Variants in STK10 observed in about 807,000 individuals in gnomAD.
STK10 encodes serine/threonine kinase 10, also known as serine/threonine-protein kinase 10.
STK10 carries 78 observed loss-of-function variants against 113.8 expected under a neutral mutation model. That is an observed-to-expected ratio of 0.69 (90% CI 0.57 to 0.83). The LOEUF is 0.83. STK10 is among the 40% of genes least tolerant of loss of function. STK10 has a pLI of 0.00. For missense variants in STK10, 1,109 were observed against 1,280.1 expected, an observed-to-expected ratio of 0.87 and a Z score of 2.04; for synonymous variants, 465 against 494.7, an observed-to-expected ratio of 0.94 and a Z score of 0.80.
intron 1 of STK10, among the ~76,000 whole-genome samples, chr5:172,171,503 C>G (rs1371212413): frequency 6.6e-6 from 1 of 151,982 alleles, no homozygotes; most frequent in East Asian, 1.9e-4. Flanking sequence ...CACCTGAGGT[C>G]AGAAATTCAA....
At chr5:172,094,515 T>C (rs182286257) in intron 8 of STK10, among the ~76,000 whole-genome samples, 24 of 152,170 alleles carry the variant, frequency 1.6e-4, no homozygotes, top group Non-Finnish European at 3.5e-4. Flanking sequence ...CCCGAGTAGC[T>C]GGGACTACAG....
At chr5:172,045,169 C>T (rs570684353) in intron 18 of STK10, 147 bp from the exon 19 acceptor site, 1 of 1,248,294 alleles carries the variant, frequency 8.0e-7, no homozygotes, top group South Asian at 1.5e-5. Context: ...TTCCCTATTT[C>T]CTACCCTAGA....
At chr5:172,138,997 G>C (rs1769925185) in intron 2 of STK10, among the ~76,000 whole-genome samples, 1 of 152,212 alleles carries the variant, frequency 6.6e-6, no homozygotes, top group East Asian at 1.9e-4. Context: ...CTGGGCGACA[G>C]AGCGAGACTC....
At chr5:172,176,771 T>C (rs1004657332) in intron 1 of STK10, among the ~76,000 whole-genome samples, 10 of 152,226 alleles carry the variant, frequency 6.6e-5, no homozygotes, top group Admixed American at 2.6e-4. Flanking sequence ...CGAGTGTCTG[T>C]GTCCCTACAA....
chr5:172,134,685 G>A (rs550681171), intron 2 of STK10, among the ~76,000 whole-genome samples: 2 of 148,084 alleles, frequency 1.4e-5, no homozygotes, highest in African/African-American at 2.5e-5. Flanking sequence ...GAGATGGGAG[G>A]ATCACTTGAG....
rs1251050777 is a variant in STK10 at position 172,133,556 on chromosome 5, G to A, written c.322-6135C>T. Among the ~76,000 whole-genome samples, 2 of 152,164 alleles carry A rather than the reference G, an allele frequency of 1.3e-5. No individual in the cohort carries two copies. The highest frequency in any genetic ancestry group is 2.4e-5 in the African/African-American group (1 of 41,452). On this transcript the variant is annotated intron_variant, in intron 2 of 18. Coordinates refer to ENST00000176763, the MANE Select transcript of STK10 (RefSeq NM_005990.4). The surrounding 1 kb of genome is among the most constrained non-coding windows in gnomAD (Gnocchi z 4.9). ...GTCATCAGAGCTAAGCTGGTGAGTT[G>A]TGCTTGATGGTGTGGAATGCCACGT...
chr5:172,045,130 C>A, intron 18 of STK10, 108 bp from the exon 19 acceptor site: 5 of 1,495,254 alleles, frequency 3.3e-6, no homozygotes, highest in Non-Finnish European at 4.5e-6. Flanking sequence ...ACATTCCCTT[C>A]CAGGCCTCAG....
At chr5:172,179,146 G>T (rs181018965) in intron 1 of STK10, among the ~76,000 whole-genome samples, 2 of 152,076 alleles carry the variant, frequency 1.3e-5, no homozygotes, top group South Asian at 4.2e-4. Flanking sequence ...ACACCTCATC[G>T]TCATTTCCTG....
At chr5:172,070,524 T>C (rs1768153897) in intron 12 of STK10, among the ~76,000 whole-genome samples, 1 of 147,896 alleles carries the variant, frequency 6.8e-6, no homozygotes, top group African/African-American at 2.5e-5. Context: ...GTGAAATTTA[T>C]AGCATTAAGT....
At chr5:172,087,317 C>T (rs1768587390) in intron 10 of STK10, among the ~76,000 whole-genome samples, 1 of 152,028 alleles carries the variant, frequency 6.6e-6, no homozygotes, top group Non-Finnish European at 1.5e-5. Flanking sequence ...CCCTGTCGCC[C>T]AGGCTGGAGT....
intron 7 of STK10, among the ~76,000 whole-genome samples, chr5:172,101,960 C>T (rs1454147828): frequency 7.9e-6 from 1 of 127,182 alleles, no homozygotes; most frequent in Admixed American, 8.7e-5. Context: ...CGATGGGGGT[C>T]AGCAGGGTGG....
chr5:172,045,146 G>T, intron 18 of STK10, 124 bp from the exon 19 acceptor site: 1 of 1,396,560 alleles, frequency 7.2e-7, no homozygotes, highest in Non-Finnish European at 9.7e-7. Flanking sequence ...CTCAGTGCTT[G>T]AGAAACTACG....
intron 7 of STK10, among the ~76,000 whole-genome samples, chr5:172,103,189 G>A (rs978175918): frequency 6.6e-6 from 1 of 152,226 alleles, no homozygotes; most frequent in Non-Finnish European, 1.5e-5. Context: ...AAAGCCAAGC[G>A]GCCTGGGGCC....
Position 172,106,506 on chromosome 5 carries a change from C to G in STK10, c.788+114G>C, listed in dbSNP as rs556178486. On this transcript the variant is annotated intron_variant, in intron 6 of 18. Coordinates refer to ENST00000176763, the MANE Select transcript of STK10 (RefSeq NM_005990.4). ...CCAGGCCCCAACCTCTCCTTTGGAG[C>G]TAGCAGCACCAGGAGAACGCTACCA... The G allele has an allele frequency of 2.7e-5, 33 of 1,203,462 alleles. No homozygotes were observed. In the African/African-American group the frequency reaches 4.6e-4, roughly 17 times the overall value. 74.5% of individuals were successfully genotyped at this position (1,203,462 alleles called of 1,614,324 possible).
At chr5:172,177,765 C>T (rs905254581) in intron 1 of STK10, among the ~76,000 whole-genome samples, 9 of 152,202 alleles carry the variant, frequency 5.9e-5, no homozygotes, top group African/African-American at 1.2e-4. Flanking sequence ...GTATAGCCTG[C>T]GTAACACTCC....
intron 10 of STK10, among the ~76,000 whole-genome samples, chr5:172,089,324 T>C (rs1768635163): frequency 6.6e-6 from 1 of 152,174 alleles, no homozygotes; most frequent in African/African-American, 2.4e-5. Flanking sequence ...TAGGTGTAAG[T>C]TCTACAAGGG....
chr5:172,117,366 G>T, intron 4 of STK10, 115 bp downstream of exon 4: 1 of 1,218,282 alleles, frequency 8.2e-7, no homozygotes, highest in Non-Finnish European at 1.1e-6. Flanking sequence ...GAGGGCGTAG[G>T]CGTGAGGACC....
chr5:172,153,077 G>A (rs987298285), intron 2 of STK10, among the ~76,000 whole-genome samples: 14 of 152,034 alleles, frequency 9.2e-5, no homozygotes, highest in Admixed American at 7.2e-4. Flanking sequence ...ACCTGAGGTC[G>A]GGAGTTCAAG....
intron 10 of STK10, among the ~76,000 whole-genome samples, chr5:172,087,947 A>G (rs1371277005): frequency 6.6e-6 from 1 of 151,674 alleles, no homozygotes; most frequent in Admixed American, 6.6e-5. Context: ...TTTTTGAGAG[A>G]TAGAGTCTTG....
Sources: gnomAD v4.1 joint callset for allele counts (sites outside exome capture counted in the v4.1 genomes callset) on GRCh38, gnomAD v4.1.1 for gene constraint, Gnocchi (gnomAD v3.1) non-coding constraint, MANE v1.5 for transcripts, NCBI Gene and HGNC (gene_info 2026-07-23, HGNC 2026-07-21) for gene names.